Variants in GRM7 observed in about 807,000 individuals in gnomAD.
The protein encoded by GRM7 is glutamate metabotropic receptor 7, also known as metabotropic glutamate receptor 7.
GRM7 carries 35 observed loss-of-function variants against 84.5 expected under a neutral mutation model. The ratio of observed to expected loss-of-function variants is 0.41; its 90% CI spans 0.32 to 0.55. The LOEUF is 0.55. GRM7 is among the 20% of genes least tolerant of loss of function. The probability of loss-of-function intolerance (pLI) is 0.19; values close to 1 mark genes in which losing one functional copy is unlikely to be tolerated. For synonymous variants in GRM7, 487 were observed against 455.1 expected, an observed-to-expected ratio of 1.07 and a Z score of -0.89; for missense variants, 1,003 against 1,194.6, an observed-to-expected ratio of 0.84 and a Z score of 2.36.
In GRM7 at chr3:6,928,234, G is replaced by A. The variant is rs891146231; in HGVS notation, c.519+66327G>A. ...GTCCCTTGGAATTCCCCCAAAGATA[G>A]TTGCTCAATACCACTCTCTTTCCCA... is the stretch of plus-strand genomic sequence containing the variant. On this transcript the variant is annotated intron_variant, in intron 1 of 9. Coordinates refer to ENST00000357716, the MANE Select transcript of GRM7 (RefSeq NM_000844.4). This position sits in a 1 kb window ranked among gnomAD's most constrained non-coding sequence, Gnocchi z 4.5. Among the ~76,000 whole-genome samples, 2 of 151,754 alleles carry A rather than the reference G, an allele frequency of 1.3e-5. No individual in the cohort carries two copies. The highest frequency in any genetic ancestry group is 4.8e-5 in the African/African-American group (2 of 41,320).
chr3:7,410,055 A>C (rs1559302108), intron 4 of GRM7, among the ~76,000 whole-genome samples: 1 of 152,166 alleles, frequency 6.6e-6, no homozygotes, highest in Non-Finnish European at 1.5e-5. Context: ...GTCCACCCTG[A>C]CAACCACATA....
At chr3:7,391,842 T>C (rs564405910) in intron 4 of GRM7, among the ~76,000 whole-genome samples, 23 of 151,540 alleles carry the variant, frequency 1.5e-4, no homozygotes, top group African/African-American at 4.9e-4. Flanking sequence ...CCCCAGAGCA[T>C]GTTTGCCTTC....
intron 8 of GRM7, among the ~76,000 whole-genome samples, chr3:7,605,598 A>G (rs73809498): frequency 0.022 from 3,301 of 152,278 alleles, 103 homozygotes; most frequent in East Asian, 0.1. Context: ...GAGAGATTAC[A>G]TAAGTCTGCA....
intron 9 of GRM7, among the ~76,000 whole-genome samples, chr3:7,705,718 A>G (rs1372521314): frequency 1.3e-5 from 2 of 152,202 alleles, no homozygotes; most frequent in South Asian, 2.1e-4. Context: ...GACTAGAGAT[A>G]AGAGAGCCTC....
intron 6 of GRM7, among the ~76,000 whole-genome samples, chr3:7,459,030 T>C (rs1192317281): frequency 1.3e-5 from 2 of 152,222 alleles, no homozygotes; most frequent in African/African-American, 4.8e-5. Flanking sequence ...ATTTTCTTCC[T>C]ATACTGGAAA....
chr3:7,246,431 G>T (rs1697763376), intron 2 of GRM7, among the ~76,000 whole-genome samples: 1 of 152,156 alleles, frequency 6.6e-6, no homozygotes, highest in Admixed American at 6.6e-5. Flanking sequence ...GCTCCTGTGT[G>T]CATAGGGCTT....
At chr3:7,711,000 C>T (rs1701559372) in intron 9 of GRM7, among the ~76,000 whole-genome samples, 1 of 152,140 alleles carries the variant, frequency 6.6e-6, no homozygotes, top group Non-Finnish European at 1.5e-5. Context: ...TATGTACTCC[C>T]ACAGCCCTGA....
At chr3:7,312,305 A>G (rs1700427271) in intron 4 of GRM7, among the ~76,000 whole-genome samples, 2 of 152,044 alleles carry the variant, frequency 1.3e-5, no homozygotes, top group Admixed American at 6.6e-5. Context: ...TCAGTAGAAA[A>G]CATGCTACTT....
chr3:7,377,096 C>G (rs1014079921), intron 4 of GRM7, among the ~76,000 whole-genome samples: 1 of 152,204 alleles, frequency 6.6e-6, no homozygotes, highest in African/African-American at 2.4e-5. Flanking sequence ...GTCAGATGCA[C>G]TAACTACTTA....
intron 1 of GRM7, among the ~76,000 whole-genome samples, chr3:7,142,154 A>G (rs1444077759): frequency 6.6e-6 from 1 of 152,080 alleles, no homozygotes; most frequent in Non-Finnish European, 1.5e-5. Context: ...ACAGCAGAAT[A>G]TTATGCAACC....
At chr3:7,083,207 A>G (rs1432848548) in intron 1 of GRM7, among the ~76,000 whole-genome samples, 1 of 152,042 alleles carries the variant, frequency 6.6e-6, no homozygotes, top group African/African-American at 2.4e-5. Context: ...TACCACCCCA[A>G]CCTTCAGCAA....
intron 1 of GRM7, among the ~76,000 whole-genome samples, chr3:6,957,108 T>G (rs1173291834): frequency 1.3e-5 from 2 of 152,244 alleles, no homozygotes; most frequent in African/African-American, 4.8e-5. Context: ...AGTGACCCTA[T>G]GAGTGTCTTT....
chr3:6,996,896 G>A (rs6414458), intron 1 of GRM7, among the ~76,000 whole-genome samples: 151,346 of 152,338 alleles, frequency 0.99, 75,186 homozygotes, highest in African/African-American at 1. Flanking sequence ...GACAAGCACA[G>A]AACAAAGTCT....
intron 8 of GRM7, among the ~76,000 whole-genome samples, chr3:7,644,236 A>C (rs531532213): frequency 6.7e-6 from 1 of 148,794 alleles, no homozygotes; most frequent in East Asian, 2.0e-4. Flanking sequence ...GTGTCTGTAC[A>C]TATATATGTG....
chr3:6,934,421 C>T (rs1697615241), intron 1 of GRM7, among the ~76,000 whole-genome samples: 1 of 152,026 alleles, frequency 6.6e-6, no homozygotes, highest in African/African-American at 2.4e-5. Flanking sequence ...CTCTTCATTA[C>T]ATTAGGAAAG....
rs374123080 is a variant in GRM7 at position 7,658,475 on chromosome 3, T to C, written c.2452-21574T>C. ...TGCCTCATCTTATCTTTCCCACTCATGCAATCTCTGACATTTAATGAAAGC... is the reference window on the plus strand; with the variant it reads ...TGCCTCATCTTATCTTTCCCACTCACGCAATCTCTGACATTTAATGAAAGC... On this transcript the variant is annotated intron_variant, in intron 8 of 9. Coordinates refer to ENST00000357716, the MANE Select transcript of GRM7 (RefSeq NM_000844.4). Among the ~76,000 whole-genome samples the C allele has an allele frequency of 3.3e-5, 5 of 152,232 alleles. No individual in the cohort carries two copies. The East Asian group carries it at 5.8e-4, about 18-fold the overall frequency.
chr3:6,879,572 G>A (rs927981179), intron 1 of GRM7, among the ~76,000 whole-genome samples: 3 of 152,146 alleles, frequency 2.0e-5, no homozygotes, highest in Non-Finnish European at 2.9e-5. Context: ...AGAAAGATGA[G>A]TGGACATAAA....
intron 1 of GRM7, among the ~76,000 whole-genome samples, chr3:7,006,933 A>G (rs1438854752): frequency 6.6e-6 from 1 of 152,250 alleles, no homozygotes; most frequent in Non-Finnish European, 1.5e-5. Context: ...GCATATGAAA[A>G]TAACTTCAAA....
chr3:7,227,680 C>CA (rs1313662677), intron 2 of GRM7, among the ~76,000 whole-genome samples: 2 of 152,086 alleles, frequency 1.3e-5, no homozygotes, highest in African/African-American at 2.4e-5. Flanking sequence ...GGTTTCTTTT[C>CA]AAAAAAATTT....
Sources: allele counts gnomAD v4.1 joint callset (sites outside exome capture counted in the v4.1 genomes callset), GRCh38; gene constraint gnomAD v4.1.1; non-coding constraint Gnocchi (gnomAD v3.1); transcripts MANE v1.5; gene names NCBI Gene and HGNC (gene_info 2026-07-23, HGNC 2026-07-21).